TP53BP2: variants seen among roughly 807,000 people sequenced by gnomAD.
TP53BP2 encodes the protein apoptosis-stimulating of p53 protein 2.
Under a neutral mutation model 126.2 loss-of-function variants are expected in TP53BP2, and 62 were observed. The observed-to-expected ratio is 0.49, with a 90% CI of 0.40 to 0.61. TP53BP2 has a LOEUF of 0.61. TP53BP2 is among the 20% of genes least tolerant of loss of function. TP53BP2 has a pLI of 0.00. For synonymous variants in TP53BP2, 485 were observed against 502.9 expected (o/e 0.96, Z 0.48); for missense variants, 1,215 against 1,402.8 (o/e 0.87, Z 2.14).
intron 1 of TP53BP2, among the ~76,000 whole-genome samples, chr1:223,823,089 T>A (rs1425305021): frequency 6.6e-6 from 1 of 152,108 alleles, no homozygotes; most frequent in African/African-American, 2.4e-5. Flanking sequence ...TGGGAAAAGT[T>A]TGGGTTTTAA....
intron 16 of TP53BP2, 137 bp from the exon 17 acceptor site, chr1:223,784,451 A>G: frequency 4.0e-6 from 3 of 753,730 alleles, no homozygotes; most frequent in Non-Finnish European, 4.3e-6. Flanking sequence ...ATATACAATA[A>G]AATGTCCTGA....
chr1:223,783,874 T>C (rs535608018), intron 17 of TP53BP2, among the ~76,000 whole-genome samples: 51 of 152,324 alleles, frequency 3.3e-4, no homozygotes, highest in African/African-American at 1.2e-3. Flanking sequence ...TATCCAGTTA[T>C]CTTTAGTCTG....
intron 16 of TP53BP2, among the ~76,000 whole-genome samples, chr1:223,784,903 ATAG>A (rs1392550384): frequency 1.3e-5 from 2 of 152,224 alleles, no homozygotes; most frequent in Non-Finnish European, 2.9e-5. Context: ...CAACTCTAAT[ATAG>A]TAAGAATCCG....
At chr1:223,831,705 T>C (rs1019064054) in intron 1 of TP53BP2, among the ~76,000 whole-genome samples, 1 of 150,796 alleles carries the variant, frequency 6.6e-6, no homozygotes, top group African/African-American at 2.4e-5. Context: ...TGATTACAAC[T>C]TGTTTCTACC....
intron 2 of TP53BP2, among the ~76,000 whole-genome samples, chr1:223,816,150 T>C (rs1390915335): frequency 1.3e-5 from 2 of 152,218 alleles, no homozygotes; most frequent in Non-Finnish European, 2.9e-5. Context: ...AACTATCACA[T>C]TGTATTATAA....
At chr1:223,826,533 G>A (rs143352372) in intron 1 of TP53BP2, among the ~76,000 whole-genome samples, 15 of 152,338 alleles carry the variant, frequency 9.8e-5, no homozygotes, top group African/African-American at 3.6e-4. Context: ...AGGAGCTGCG[G>A]GAAGGGGAAA....
chr1:223,795,887 C>A lies in TP53BP2; in HGVS notation c.2652G>T (p.Glu884Asp). The A allele has an allele frequency of 6.2e-7, 1 of 1,605,586 alleles. No individual in the cohort carries two copies. Among genetic ancestry groups the A allele is most frequent in the Non-Finnish European group, 8.5e-7 (1 of 1,176,598 alleles). ...PYPPPPYPSG[E>D]PEGPGEDSVS... ...CCGAGTCTTCTCCGGGCCCTTCAGG[C>A]TCCCCAGATGGGTATGGTGGGGGTG... The change falls in exon 13 of 18, where the codon GAG becomes GAT. Residue 884 changes from glutamate (E) to aspartate (D), a missense_variant. Glu to Asp is a conservative substitution (Grantham distance 45). This residue lies in a region of TP53BP2 where 204 missense variants were observed against 225.7 expected (regional missense o/e 0.90). Coordinates refer to ENST00000343537, the MANE Select transcript of TP53BP2 (RefSeq NM_001031685.3).
intron 17 of TP53BP2, among the ~76,000 whole-genome samples, chr1:223,782,712 C>G (rs1350669555): frequency 1.3e-5 from 2 of 152,154 alleles, no homozygotes; most frequent in East Asian, 3.9e-4. Flanking sequence ...CTCGGCCTCC[C>G]AAAGTGCTGG....
intron 16 of TP53BP2, among the ~76,000 whole-genome samples, chr1:223,785,836 C>T (rs967125379): frequency 2.0e-5 from 3 of 152,072 alleles, no homozygotes; most frequent in East Asian, 1.9e-4. Flanking sequence ...ACGAAAGCTA[C>T]GAGGTATCAT....
chr1:223,805,087 C>T lies in TP53BP2; in HGVS notation c.475-739G>A, dbSNP rs574034549. 2.0e-4 allele frequency among the ~76,000 whole-genome samples: 30 copies of T among 152,198 alleles called. No individual in the cohort carries two copies. The South Asian group carries it at 6.0e-3, about 31-fold the overall frequency. ...AAAATTTTTAACTAAAACTGAGTAA[C>T]AGAGCCACACAATTTATAATCACAG... On this transcript the variant is annotated intron_variant, in intron 5 of 17. Transcript: ENST00000343537.
In TP53BP2 at chr1:223,845,878, G is replaced by A; in HGVS notation, c.-198C>T. ...AGCCCCGGGCTCCCCCGCCCCGGCC[G>A]GGCCCCCTGACGCGGCTTTGTCTCT... On this transcript the variant is annotated 5_prime_UTR_variant, in exon 1 of 18. Coordinates refer to ENST00000343537, the MANE Select transcript of TP53BP2 (RefSeq NM_001031685.3). 1 of 329,242 alleles carries A rather than the reference G, an allele frequency of 3.0e-6. No individual in the cohort carries two copies. Among genetic ancestry groups the A allele is most frequent in the Non-Finnish European group, 5.3e-6 (1 of 188,410 alleles). The allele number at this position is 329,242 out of a possible 1,614,324, so 20.4% of individuals were successfully genotyped here.
At chr1:223,827,933 T>C (rs1276410117) in intron 1 of TP53BP2, among the ~76,000 whole-genome samples, 2 of 152,180 alleles carry the variant, frequency 1.3e-5, no homozygotes, top group African/African-American at 4.8e-5. Context: ...TTTACTGTAT[T>C]ACAAAAAGAA....
At chr1:223,830,983 AG>A (rs1490512037) in intron 1 of TP53BP2, among the ~76,000 whole-genome samples, 1 of 152,044 alleles carries the variant, frequency 6.6e-6, no homozygotes, top group Non-Finnish European at 1.5e-5. Flanking sequence ...CTGTAGTCCC[AG>A]CTACTCAGGA....
rs763522100 is a variant in TP53BP2, at chr1:223,796,111, C to A, written c.2428G>T (p.Val810Phe). Residue 810 changes from valine (V) to phenylalanine (F), a missense_variant, in exon 13 of 18, where the codon GTT becomes TTT. Coordinates refer to ENST00000343537, the MANE Select transcript of TP53BP2 (RefSeq NM_001031685.3). The surrounding 1 kb of genome is among the most constrained non-coding windows in gnomAD (Gnocchi z 4.2). ...TCCTCTGGGGACAATGATTCAGGAA[C>A]CAGAGAGACCACCTCCTTTTCGGGC... The part of the protein sequence containing the change: ...VEPEKEVVSL[V>F]PESLSPEDVG... 33 of 1,614,032 alleles carry A rather than the reference C, an allele frequency of 2.0e-5. No homozygotes were observed. Among genetic ancestry groups the A allele is most frequent in the Non-Finnish European group, 2.5e-6 (3 of 1,180,038 alleles).
chr1:223,821,707 G>A (rs1408420624), intron 1 of TP53BP2, among the ~76,000 whole-genome samples: 2 of 152,158 alleles, frequency 1.3e-5, no homozygotes, highest in Non-Finnish European at 2.9e-5. Flanking sequence ...TGTCAATCCT[G>A]TAAAGGTTGA....
intron 1 of TP53BP2, among the ~76,000 whole-genome samples, chr1:223,842,232 C>A: frequency 6.6e-6 from 1 of 152,198 alleles, no homozygotes; most frequent in Non-Finnish European, 1.5e-5. Context: ...CCACCGTGCC[C>A]GGCCCAGCTA....
At chr1:223,831,480 A>AAAAAATATATATATAT (rs1287271743) in intron 1 of TP53BP2, among the ~76,000 whole-genome samples, 3 of 32,460 alleles carry the variant, frequency 9.2e-5, no homozygotes, top group Non-Finnish European at 1.9e-4. Flanking sequence ...AAAAAAAAAA[A>AAAAAATATATATATAT]ATATATATAT....
intron 1 of TP53BP2, among the ~76,000 whole-genome samples, chr1:223,829,056 G>C (rs1289434926): frequency 1.3e-5 from 2 of 152,142 alleles, no homozygotes; most frequent in Non-Finnish European, 2.9e-5. Context: ...GCCGGGCATG[G>C]TGGCTCACAC....
At position 223,798,326 on chromosome 1, in the gene TP53BP2, T is replaced by C; in HGVS notation, c.1837A>G (p.Ser613Gly). Residue 613 changes from serine (S) to glycine (G), a missense_variant, in exon 12 of 18, where the codon AGT (serine) becomes GGT (glycine). Physicochemically the swap from Ser to Gly is moderately conservative, Grantham distance 56. Coordinates refer to ENST00000343537, the MANE Select transcript of TP53BP2 (RefSeq NM_001031685.3). Reference protein sequence around the residue: ...PFRKPQTVAASSIYSMYTQQQ... With the variant: ...PFRKPQTVAAGSIYSMYTQQQ... The stretch of plus-strand genomic sequence containing the variant: ...TGCGTATACATGGAATATATTGAAC[T>C]TGCTGCCACGGTCTGGGGTTTTCTG... 6.2e-7 allele frequency: 1 copy of C among 1,614,160 alleles called. No homozygotes were observed. Among genetic ancestry groups the C allele is most frequent in the South Asian group, 1.1e-5 (1 of 91,078 alleles).
Sources: gnomAD v4.1 joint callset for allele counts (sites outside exome capture counted in the v4.1 genomes callset) on GRCh38, gnomAD v4.1.1 for gene constraint, gnomAD v4.1.1 regional missense constraint, Gnocchi (gnomAD v3.1) non-coding constraint, MANE v1.5 for transcripts, NCBI Gene and HGNC (gene_info 2026-07-23, HGNC 2026-07-21) for gene names.